Variants in CNTNAP5 observed in about 807,000 individuals in gnomAD.
The protein encoded by CNTNAP5 is contactin associated protein family member 5.
Under a neutral mutation model 150.2 loss-of-function variants are expected in CNTNAP5, and 72 were observed. The observed-to-expected ratio is 0.48, with a 90% confidence interval of 0.40 to 0.58. The LOEUF (loss-of-function observed/expected upper bound fraction) is 0.58, where lower values mean the gene tolerates loss of function less well. CNTNAP5 is among the 20% of genes least tolerant of loss of function. The probability of loss-of-function intolerance (pLI) is 0.00; values close to 1 mark genes in which losing one functional copy is unlikely to be tolerated. For synonymous variants in CNTNAP5, 672 were observed against 619.8 expected (o/e 1.08, Z -1.25); for missense variants, 1,636 against 1,626.2 (o/e 1.01, Z -0.10).
intron 11 of CNTNAP5, among the ~76,000 whole-genome samples, chr2:124,604,848 A>G (rs757759740): frequency 2.0e-5 from 3 of 152,194 alleles, no homozygotes; most frequent in Non-Finnish European, 4.4e-5. Flanking sequence ...CAAGATCTCA[A>G]TGACTTAGTG....
intron 13 of CNTNAP5, among the ~76,000 whole-genome samples, chr2:124,659,596 A>G (rs1432858865): frequency 6.6e-6 from 1 of 152,188 alleles, no homozygotes; most frequent in Non-Finnish European, 1.5e-5. Flanking sequence ...CGAAATAGCT[A>G]ACATATTGAC....
chr2:124,353,286 CAAAAAA>C (rs565907115), intron 3 of CNTNAP5, among the ~76,000 whole-genome samples: 42 of 88,280 alleles, frequency 4.8e-4, no homozygotes, highest in African/African-American at 1.7e-3. Flanking sequence ...AAAAACAGAC[CAAAAAA>C]AAAAAAAAAA....
chr2:124,790,189 A>G, intron 18 of CNTNAP5, 48 bp downstream of exon 18: 1 of 1,536,598 alleles, frequency 6.5e-7, no homozygotes, highest in Non-Finnish European at 8.8e-7. Context: ...TGTATCACCT[A>G]TACGCTATGG....
chr2:124,083,970 T>C (rs979210101), intron 1 of CNTNAP5, among the ~76,000 whole-genome samples: 2 of 152,084 alleles, frequency 1.3e-5, no homozygotes, highest in Non-Finnish European at 2.9e-5. Context: ...TAAATCAGGT[T>C]TGGGGACAAC....
At chr2:124,873,936 A>G (rs1436078270) in intron 21 of CNTNAP5, among the ~76,000 whole-genome samples, 1 of 152,056 alleles carries the variant, frequency 6.6e-6, no homozygotes, top group African/African-American at 2.4e-5. Flanking sequence ...TTGTCTGAGA[A>G]AGGAAAAATT....
rs1273767448 is a variant in CNTNAP5 at position 124,748,838 on chromosome 2, G to A, written c.2234+1453G>A. The stretch of plus-strand genomic sequence containing the variant: ...AACTCAAGCTGGCCGAAGTTATAGG[G>A]TAATGAATTTTGCCTCTTCATGTGG... On this transcript the variant is annotated intron_variant, in intron 14 of 23. Transcript: ENST00000682447. Among the ~76,000 whole-genome samples the A allele has an allele frequency of 3.3e-5, 5 of 152,232 alleles. No homozygotes were observed. In the East Asian group the frequency reaches 7.7e-4, roughly 24 times the overall value.
chr2:124,057,130 T>C (rs964999946), intron 1 of CNTNAP5, among the ~76,000 whole-genome samples: 3 of 152,158 alleles, frequency 2.0e-5, no homozygotes, highest in African/African-American at 4.8e-5. Flanking sequence ...AGGTATGGAA[T>C]GCCCGTTTTG....
chr2:124,580,488 C>T (rs148784037), intron 11 of CNTNAP5, among the ~76,000 whole-genome samples: 268 of 152,334 alleles, frequency 1.8e-3, no homozygotes, highest in African/African-American at 6.1e-3. Flanking sequence ...TCTTCTACCA[C>T]GTGGCTGCAC....
chr2:124,717,973 G>T (rs1396418157), intron 13 of CNTNAP5, among the ~76,000 whole-genome samples: 1 of 150,672 alleles, frequency 6.6e-6, no homozygotes, highest in East Asian at 1.9e-4. Flanking sequence ...GCTCACTCCT[G>T]AAAACAATAT....
chr2:124,167,575 G>A (rs1318852572), intron 1 of CNTNAP5, among the ~76,000 whole-genome samples: 1 of 152,136 alleles, frequency 6.6e-6, no homozygotes. Flanking sequence ...TCACTACCGT[G>A]TACTCTCCCT....
intron 3 of CNTNAP5, among the ~76,000 whole-genome samples, chr2:124,408,082 G>A (rs1391429179): frequency 6.6e-6 from 1 of 152,192 alleles, no homozygotes; most frequent in African/African-American, 2.4e-5. Context: ...AAGCGCAAGG[G>A]GTCAGGGAGT....
chr2:124,140,004 T>TTCC (rs1684072333), intron 1 of CNTNAP5, among the ~76,000 whole-genome samples: 2 of 152,066 alleles, frequency 1.3e-5, no homozygotes, highest in Non-Finnish European at 2.9e-5. Flanking sequence ...GGAGTTCCCT[T>TTCC]TCCGAGTCAA....
intron 2 of CNTNAP5, among the ~76,000 whole-genome samples, chr2:124,223,227 C>T (rs1401774056): frequency 1.3e-5 from 2 of 152,070 alleles, no homozygotes; most frequent in East Asian, 3.9e-4. Flanking sequence ...TATATTCATC[C>T]CGTTAACAAA....
intron 11 of CNTNAP5, among the ~76,000 whole-genome samples, chr2:124,573,922 G>T (rs938302904): frequency 2.6e-5 from 4 of 152,142 alleles, no homozygotes; most frequent in Non-Finnish European, 4.4e-5. Context: ...ACAACATCTA[G>T]CACAATATTT....
chr2:124,730,520 G>T (rs559508973), intron 13 of CNTNAP5, among the ~76,000 whole-genome samples: 1 of 152,096 alleles, frequency 6.6e-6, no homozygotes, highest in South Asian at 2.1e-4. Flanking sequence ...TACCTTTTAT[G>T]ATGTGGAAAC....
chr2:124,560,295 G>A (rs1360357801), intron 10 of CNTNAP5, among the ~76,000 whole-genome samples: 1 of 152,070 alleles, frequency 6.6e-6, no homozygotes, highest in Non-Finnish European at 1.5e-5. Flanking sequence ...ATCACCTGAG[G>A]TCAGGAGTTC....
intron 19 of CNTNAP5, among the ~76,000 whole-genome samples, chr2:124,801,389 T>C (rs1448036152): frequency 6.6e-6 from 1 of 152,126 alleles, no homozygotes; most frequent in Non-Finnish European, 1.5e-5. Context: ...AAGGGAGACT[T>C]TGACTAAATT....
At chr2:124,662,380 T>A (rs1266331462) in intron 13 of CNTNAP5, among the ~76,000 whole-genome samples, 1 of 152,196 alleles carries the variant, frequency 6.6e-6, no homozygotes, top group Non-Finnish European at 1.5e-5. Flanking sequence ...TATTTCTGGT[T>A]CTAGATCCTT....
At chr2:124,480,795 C>T (rs561950763) in intron 7 of CNTNAP5, among the ~76,000 whole-genome samples, 36 of 152,266 alleles carry the variant, frequency 2.4e-4, no homozygotes, top group Admixed American at 1.8e-3. Context: ...TTTGACCAGT[C>T]GGACATCCAC....
Sources: allele counts gnomAD v4.1 joint callset (sites outside exome capture counted in the v4.1 genomes callset), GRCh38; gene constraint gnomAD v4.1.1; transcripts MANE v1.5; gene names NCBI Gene and HGNC (gene_info 2026-07-23, HGNC 2026-07-21).